SAMD14: variants seen among roughly 807,000 people sequenced by gnomAD.
SAMD14 encodes sterile alpha motif domain containing 14, also known as sterile alpha motif domain-containing protein 14.
SAMD14 carries 27 observed loss-of-function variants against 46.2 expected under a neutral mutation model. The observed-to-expected ratio is 0.58, with a 90% CI of 0.43 to 0.81. The LOEUF is 0.81. Among genes scored for constraint, SAMD14 ranks in the 30% least tolerant of loss-of-function variants. The probability of loss-of-function intolerance (pLI) is 0.00; values close to 1 mark genes in which losing one functional copy is unlikely to be tolerated. For synonymous variants in SAMD14, 241 were observed against 254.3 expected (o/e 0.95, Z 0.50); for missense variants, 559 against 582.2 (o/e 0.96, Z 0.41).
rs2144392253 is a variant in SAMD14 at position 50,114,095 on chromosome 17, G to C, written c.943-16C>G. 6.2e-7 allele frequency: 1 copy of C among 1,613,804 alleles called. No homozygotes were observed. The highest frequency in any genetic ancestry group is 2.2e-5 in the East Asian group (1 of 44,868). On this transcript the variant is annotated splice_polypyrimidine_tract_variant and intron_variant, in intron 8 of 9. Coordinates refer to ENST00000330175, the MANE Select transcript of SAMD14 (RefSeq NM_001257359.2). ...CATCCAGGAACTGGGCAGAGACCAA[G>C]GAGAGTGAGGGGGAGGCTTGGCCTG...
In SAMD14 at chr17:50,129,745, CGCTG is replaced by C. The variant is rs1911948982; in HGVS notation, c.-245_-242del. The stretch of plus-strand genomic sequence containing the variant: ...GGGATGTGGGGAGAGGGAACAGGTT[CGCTG>C]GAAGCAGGAGGCGCGGGCGGGGCTG... On this transcript the variant is annotated 5_prime_UTR_variant, in exon 1 of 10. Transcript: ENST00000330175. The surrounding 1 kb of genome is among the most constrained non-coding windows in gnomAD (Gnocchi z 5.6). The C allele has an allele frequency of 6.5e-6, 1 of 152,854 alleles. No homozygotes were observed. The highest frequency in any genetic ancestry group is 1.5e-5 in the Non-Finnish European group (1 of 68,766). The allele number at this position is 152,854 out of a possible 1,614,324, so 9.5% of individuals were successfully genotyped here.
In SAMD14 at chr17:50,116,065, A is replaced by G. The variant is rs1212154081; in HGVS notation, c.525T>C (p.Pro175=). The G allele has an allele frequency of 1.9e-6, 3 of 1,613,990 alleles. No homozygotes were observed. Among genetic ancestry groups the G allele is most frequent in the Non-Finnish European group, 2.5e-6 (3 of 1,179,906 alleles). Residue 175 remains proline, a synonymous_variant, in exon 5 of 10, where the codon CCT becomes CCC. Transcript: ENST00000330175. ...GGCCGATGGTGGGGCTGGCGGGCTC[A>G]GGAGGACTGGCGTCACGGCTGTCAT... The part of the protein sequence containing the change: ...SEDDSRDASP[P]EPASPTIGLD...
chr17:50,127,122 ATAAG>A (rs1911814368), intron 1 of SAMD14, among the ~76,000 whole-genome samples: 2 of 151,642 alleles, frequency 1.3e-5, no homozygotes, highest in African/African-American at 4.8e-5. Flanking sequence ...AATTAAGTAA[ATAAG>A]TAAATAAATA....
Position 50,127,100 on chromosome 17 carries a change from C to CA in SAMD14, c.-12-2130dup, listed in dbSNP as rs11336635. The stretch of plus-strand genomic sequence containing the variant: ...GGGTGACAAGAGGGAGACTCCATCT[C>CA]AAAAAAAAAAAAATTAAGTAAATAA... On this transcript the variant is annotated intron_variant, in intron 1 of 9. Coordinates refer to ENST00000330175, the MANE Select transcript of SAMD14 (RefSeq NM_001257359.2). Among the ~76,000 whole-genome samples the CA allele has an allele frequency of 3.2e-3, 445 of 137,326 alleles. 2 individuals carry two copies. Among genetic ancestry groups the CA allele is most frequent in the Admixed American group, 0.012 (165 of 14,110 alleles). 90.1% of individuals were successfully genotyped at this position (137,326 alleles called of 152,430 possible).
Position 50,115,594 on chromosome 17 carries a change from C to T in SAMD14, c.792G>A (p.Glu264=), listed in dbSNP as rs566918451. The change falls in exon 7 of 10, where the codon GAG becomes GAA. Residue 264 remains glutamate (E), a synonymous_variant. Coordinates refer to ENST00000330175, the MANE Select transcript of SAMD14 (RefSeq NM_001257359.2). The surrounding 1 kb of genome is among the most constrained non-coding windows in gnomAD (Gnocchi z 5.3). The stretch of plus-strand genomic sequence containing the variant: ...AAGCTGACTTCTTAGGGCTGAAGCC[C>T]TCGTGTTTAGGGGAGCAGGTGGGGG... ...TTSPTCSPKH[E]GFSPKKSASQ... 53 of 1,576,578 alleles carry T rather than the reference C, an allele frequency of 3.4e-5. No homozygotes were observed. The highest frequency in any genetic ancestry group is 4.5e-5 in the Non-Finnish European group (52 of 1,158,762).
chr17:50,112,796 C>G lies in SAMD14; in HGVS notation c.*97G>C, dbSNP rs1910923698. 1.4e-6 allele frequency: 2 copies of G among 1,416,116 alleles called. No homozygotes were observed. Among genetic ancestry groups the G allele is most frequent in the African/African-American group, 2.9e-5 (2 of 70,006 alleles). 87.7% of individuals were successfully genotyped at this position (1,416,116 alleles called of 1,614,324 possible). ...CCCTGAGAGCGTGGGACCAGGCTAG[C>G]CCAAGTGCAGCGCCCAGGTCCAGCC... On this transcript the variant is annotated 3_prime_UTR_variant, in exon 10 of 10. Coordinates refer to ENST00000330175, the MANE Select transcript of SAMD14 (RefSeq NM_001257359.2).
chr17:50,124,545 G>T (rs1309341306), intron 2 of SAMD14, among the ~76,000 whole-genome samples: 1 of 152,080 alleles, frequency 6.6e-6, no homozygotes, highest in East Asian at 1.9e-4. Flanking sequence ...TTGAAAGCAA[G>T]TCACTTCAGC....
chr17:50,112,888 C>T lies in SAMD14; in HGVS notation c.*5G>A. Reference sequence around the variant, plus strand: ...TGCCGGGTGCCAGCGCCTGTGCACCCTCCCCTAGCTCTTCTTGGCCTCCTG... The same window carrying T: ...TGCCGGGTGCCAGCGCCTGTGCACCTTCCCCTAGCTCTTCTTGGCCTCCTG... On this transcript the variant is annotated 3_prime_UTR_variant, in exon 10 of 10. Coordinates refer to ENST00000330175, the MANE Select transcript of SAMD14 (RefSeq NM_001257359.2). 1 of 1,602,294 alleles carries T rather than the reference C, an allele frequency of 6.2e-7. No homozygotes were observed. The highest frequency in any genetic ancestry group is 8.5e-7 in the Non-Finnish European group (1 of 1,179,012).
At position 50,112,135 on chromosome 17, in the gene SAMD14, A is replaced by C. The variant is rs1437999222; in HGVS notation, c.*758T>G. The C allele has an allele frequency of 6.6e-6, 1 of 152,262 alleles. No individual in the cohort carries two copies. The highest frequency in any genetic ancestry group is 1.5e-5 in the Non-Finnish European group (1 of 68,156). 9.4% of individuals were successfully genotyped at this position (152,262 alleles called of 1,614,324 possible). ...GGAAGTGAAGGGAGTCCTGGCTTGG[A>C]GAATGGGTCAAAGACCAGGTCTTGA... On this transcript the variant is annotated 3_prime_UTR_variant, in exon 10 of 10. Transcript: ENST00000330175.
intron 7 of SAMD14, 30 bp from the exon 8 acceptor site, chr17:50,114,336 G>A (rs1258057425): frequency 2.8e-5 from 45 of 1,613,962 alleles, no homozygotes; most frequent in Non-Finnish European, 3.4e-5. Context: ...TGCCACTGAG[G>A]AGAGTTCACC....
chr17:50,117,345 A>G, intron 4 of SAMD14, 62 bp downstream of exon 4: 16 of 1,258,346 alleles, frequency 1.3e-5, no homozygotes, highest in Non-Finnish European at 1.6e-5. Flanking sequence ...GCGCGCCGGG[A>G]CCGGGAGGGC....
Position 50,115,623 on chromosome 17 carries a change from TG to T in SAMD14, c.762del (p.Thr255ProfsTer24). 6.2e-7 allele frequency: 1 copy of T among 1,600,428 alleles called. No homozygotes were observed. Among genetic ancestry groups the T allele is most frequent in the Non-Finnish European group, 8.5e-7 (1 of 1,171,778 alleles). On this transcript the variant is annotated frameshift_variant, in exon 7 of 10. Transcript: ENST00000330175. LOFTEE classifies it high-confidence loss of function. This position sits in a 1 kb window ranked among gnomAD's most constrained non-coding sequence, Gnocchi z 5.3. ...SGKGSASSGS[T>X]TSPTCSPKHE... is the part of the protein sequence containing the mutation. Reference sequence around the variant, plus strand: ...TGTTTAGGGGAGCAGGTGGGGGAGGTGGTGCTACCCGAGGATGCTGAGCCCT... The same window carrying T: ...TGTTTAGGGGAGCAGGTGGGGGAGGTGTGCTACCCGAGGATGCTGAGCCCT...
At chr17:50,126,462 G>A (rs1302483153) in intron 1 of SAMD14, among the ~76,000 whole-genome samples, 7 of 151,858 alleles carry the variant, frequency 4.6e-5, no homozygotes, top group African/African-American at 1.5e-4. Flanking sequence ...CCACCACCAC[G>A]CCTGGCTAAT....
At chr17:50,125,875 A>G (rs908569923) in intron 1 of SAMD14, among the ~76,000 whole-genome samples, 5 of 152,178 alleles carry the variant, frequency 3.3e-5, no homozygotes, top group Non-Finnish European at 5.9e-5. Context: ...TGATGCAACT[A>G]TGTTCTGGGA....
Position 50,110,099 on chromosome 17 carries a change from G to A in SAMD14, c.*2794C>T. 2 of 1,598,176 alleles carry A rather than the reference G, an allele frequency of 1.3e-6. No homozygotes were observed. Among genetic ancestry groups the A allele is most frequent in the Non-Finnish European group, 1.7e-6 (2 of 1,170,564 alleles). On this transcript the variant is annotated 3_prime_UTR_variant, in exon 10 of 10. Coordinates refer to ENST00000330175, the MANE Select transcript of SAMD14 (RefSeq NM_001257359.2). ...ACGTCCACGTACCGCGTCAGCTAAG[G>A]GCCGCCGTGCATCTGCACCTGAGAG...
chr17:50,125,037 G>T, intron 1 of SAMD14, 66 bp from the exon 2 acceptor site: 2 of 1,479,240 alleles, frequency 1.4e-6, no homozygotes, highest in Non-Finnish European at 1.9e-6. Context: ...GCTGACCGAG[G>T]CAGAAGAGAT....
At chr17:50,126,533 C>T (rs1471467882) in intron 1 of SAMD14, among the ~76,000 whole-genome samples, 1 of 151,994 alleles carries the variant, frequency 6.6e-6, no homozygotes, top group East Asian at 2.0e-4. Flanking sequence ...TCTTGATCTC[C>T]TGACCTCGTG....
intron 8 of SAMD14, 46 bp from the exon 9 acceptor site, chr17:50,114,125 C>G: frequency 6.2e-7 from 1 of 1,613,758 alleles, no homozygotes; most frequent in Non-Finnish European, 8.5e-7. Context: ...GGCCTGTGAC[C>G]TGAGCACCTT....
chr17:50,129,967 T>C lies in SAMD14; in HGVS notation c.-463A>G, dbSNP rs1911960736. ...CAGGGCCGATTCGCGCGGCGTCGCGTCGGCAGGGGTCCGCGGGGGTCTCCG... is the reference window on the plus strand; with the variant it reads ...CAGGGCCGATTCGCGCGGCGTCGCGCCGGCAGGGGTCCGCGGGGGTCTCCG... On this transcript the variant is annotated 5_prime_UTR_variant, in exon 1 of 10. Coordinates refer to ENST00000330175, the MANE Select transcript of SAMD14 (RefSeq NM_001257359.2). The surrounding 1 kb of genome is among the most constrained non-coding windows in gnomAD (Gnocchi z 5.6). The C allele has an allele frequency of 6.7e-6, 1 of 150,324 alleles. No individual in the cohort carries two copies. The highest frequency in any genetic ancestry group is 6.6e-5 in the Admixed American group (1 of 15,204). 9.3% of individuals were successfully genotyped at this position (150,324 alleles called of 1,614,324 possible).
Sources: gnomAD v4.1 joint callset for allele counts (sites outside exome capture counted in the v4.1 genomes callset) on GRCh38, gnomAD v4.1.1 for gene constraint, Gnocchi (gnomAD v3.1) non-coding constraint, MANE v1.5 for transcripts, NCBI Gene and HGNC (gene_info 2026-07-23, HGNC 2026-07-21) for gene names.